The following ENPP2 variants were observed in gnomAD, a reference collection of about 807,000 sequenced individuals.
The protein encoded by ENPP2 is autotaxin.
In ENPP2, 51 loss-of-function variants were observed where a neutral mutation model predicts 120.2. The ratio of observed to expected loss-of-function variants is 0.42; its 90% CI spans 0.34 to 0.54. ENPP2 has a LOEUF of 0.54. Ranked by LOEUF, ENPP2 falls within the 20% of genes least tolerant of loss-of-function variation. The pLI, the probability that ENPP2 is intolerant of heterozygous loss-of-function variation, is 0.04. For synonymous variants in ENPP2, 365 were observed against 366.4 expected (o/e 1.00, Z 0.04); for missense variants, 920 against 1,066.5 (o/e 0.86, Z 1.91).
At position 119,586,180 on chromosome 8, in the gene ENPP2, A is replaced by T; in HGVS notation, c.1367+6T>A. On this transcript the variant is annotated splice_donor_region_variant and intron_variant, in intron 15 of 24. Transcript: ENST00000075322. ...GAGAAACAGAAATAGCCCATATACC[A>T]GTTACCTTGCAACATGCCATCTGCG... is the stretch of plus-strand genomic sequence containing the variant. The T allele has an allele frequency of 6.2e-7, 1 of 1,613,790 alleles. No homozygotes were observed. Among genetic ancestry groups the T allele is most frequent in the Non-Finnish European group, 8.5e-7 (1 of 1,179,856 alleles).
In ENPP2 at chr8:119,570,841, T is replaced by A; in HGVS notation, c.1781A>T (p.Glu594Val). 6.5e-7 allele frequency: 1 copy of A among 1,536,556 alleles called. No individual in the cohort carries two copies. The highest frequency in any genetic ancestry group is 2.4e-5 in the Admixed American group (1 of 42,328). Reference sequence around the variant, plus strand: ...AGGTCGCCCATAGAGGAGGTGTCTCTCTAAAAAAGAAAAAAAATAAACTGT... The same window carrying A: ...AGGTCGCCCATAGAGGAGGTGTCTCACTAAAAAAGAAAAAAAATAAACTGT... ...KRLHTKGSTEERHLLYGRPAV... is the reference protein window; with the variant it reads ...KRLHTKGSTEVRHLLYGRPAV... The change falls in exon 20 of 25, where the codon GAG becomes GTG. Residue 594 changes from glutamate (E) to valine (V), a missense_variant and splice_region_variant. Transcript: ENST00000075322.
chr8:119,642,035 A>T (rs1289372518), upstream of ENPP2, among the ~76,000 whole-genome samples: 1 of 152,214 alleles, frequency 6.6e-6, no homozygotes, highest in African/African-American at 2.4e-5. Flanking sequence ...CAGGCAACGC[A>T]TAATATAGAG....
At chr8:119,667,067 C>G (rs769516215) in intron 1 of ENPP2, among the ~76,000 whole-genome samples, 2 of 152,068 alleles carry the variant, frequency 1.3e-5, no homozygotes, top group Non-Finnish European at 2.9e-5. Flanking sequence ...AACTAAGACC[C>G]CTTCAAGCAT....
At chr8:119,670,471 G>T (rs1445457314) in intron 1 of ENPP2, among the ~76,000 whole-genome samples, 1 of 152,152 alleles carries the variant, frequency 6.6e-6, no homozygotes, top group Admixed American at 6.5e-5. Flanking sequence ...CATCCCACCT[G>T]GGTCTAAGCA....
At chr8:119,619,547 C>G (rs994666943) in intron 4 of ENPP2, among the ~76,000 whole-genome samples, 7 of 151,822 alleles carry the variant, frequency 4.6e-5, no homozygotes, top group Non-Finnish European at 8.8e-5. Flanking sequence ...CCTTCCGAGT[C>G]TAAATGGTTT....
intron 19 of ENPP2, among the ~76,000 whole-genome samples, chr8:119,579,523 C>T (rs886516981): frequency 6.6e-6 from 1 of 151,746 alleles, no homozygotes; most frequent in African/African-American, 2.4e-5. Context: ...AGCCAGCACA[C>T]TAAAATGGGA....
intron 1 of ENPP2, among the ~76,000 whole-genome samples, chr8:119,644,013 GAGC>G (rs1314775367): frequency 1.3e-5 from 2 of 152,028 alleles, no homozygotes; most frequent in African/African-American, 4.8e-5. Flanking sequence ...AGTGCAGGGA[GAGC>G]AGAAGTGAGT....
intron 7 of ENPP2, among the ~76,000 whole-genome samples, chr8:119,616,943 G>A (rs940937860): frequency 6.6e-6 from 1 of 152,138 alleles, no homozygotes; most frequent in African/African-American, 2.4e-5. Context: ...AAACAGAACT[G>A]CACCTGAAAA....
chr8:119,655,042 A>T (rs1817729057), intron 1 of ENPP2, among the ~76,000 whole-genome samples: 1 of 152,246 alleles, frequency 6.6e-6, no homozygotes, highest in South Asian at 2.1e-4. Context: ...TCCTGAAGGA[A>T]ACAGAGAGAG....
At chr8:119,650,969 T>C (rs1054175946) in intron 1 of ENPP2, among the ~76,000 whole-genome samples, 3 of 150,806 alleles carry the variant, frequency 2.0e-5, no homozygotes, top group Non-Finnish European at 4.4e-5. Context: ...GGAGAATACT[T>C]CTTTAAAAAA....
chr8:119,592,206 T>G (rs897285315), intron 12 of ENPP2, among the ~76,000 whole-genome samples: 32 of 152,070 alleles, frequency 2.1e-4, no homozygotes, highest in African/African-American at 7.5e-4. Context: ...ATACCATCTT[T>G]TAAGAGAGAG....
chr8:119,641,740 A>G (rs1468788747), upstream of ENPP2, among the ~76,000 whole-genome samples: 1 of 152,194 alleles, frequency 6.6e-6, no homozygotes, highest in Non-Finnish European at 1.5e-5. Flanking sequence ...TAGGTCTGGC[A>G]GGTGGGGAGA....
intron 20 of ENPP2, among the ~76,000 whole-genome samples, chr8:119,570,064 T>C (rs1814834029): frequency 6.6e-6 from 1 of 151,574 alleles, no homozygotes; most frequent in Admixed American, 6.6e-5. Flanking sequence ...AGGTCAGGAG[T>C]TCGAGACCAG....
intron 20 of ENPP2, 38 bp from the exon 21 acceptor site, chr8:119,569,408 T>A: frequency 6.2e-7 from 1 of 1,609,658 alleles, no homozygotes; most frequent in Non-Finnish European, 8.5e-7. Context: ...ATGCCGTGGC[T>A]CTGTTACGAA....
Position 119,564,930 on chromosome 8 carries a change from T to C in ENPP2, c.2157A>G (p.Val719=), listed in dbSNP as rs371175582. ...TTTCCGAAGCATATTTCTTCACCAA[T>C]ACCCTTTGGAAATAATTCCAGACCC... ...FKRVWNYFQR[V]LVKKYASERN... Residue 719 remains valine, a synonymous_variant, in exon 23 of 25, where the codon GTA becomes GTG. Transcript: ENST00000075322. 2.5e-6 allele frequency: 4 copies of C among 1,613,258 alleles called. No homozygotes were observed. Among genetic ancestry groups the C allele is most frequent in the Non-Finnish European group, 3.4e-6 (4 of 1,179,552 alleles).
intron 1 of ENPP2, among the ~76,000 whole-genome samples, chr8:119,666,415 C>T (rs774096537): frequency 6.6e-6 from 1 of 151,886 alleles, no homozygotes; most frequent in Non-Finnish European, 1.5e-5. Flanking sequence ...AGGGAAAGGG[C>T]TCAAAAAAGT....
At chr8:119,630,165 A>G (rs931686218) in intron 2 of ENPP2, among the ~76,000 whole-genome samples, 2 of 151,290 alleles carry the variant, frequency 1.3e-5, no homozygotes, top group African/African-American at 4.9e-5. Context: ...CTGGAGTGCA[A>G]TGGTGTGATC....
intron 19 of ENPP2, among the ~76,000 whole-genome samples, chr8:119,576,485 A>G (rs762024658): frequency 1.5e-4 from 23 of 152,216 alleles, no homozygotes; most frequent in Non-Finnish European, 3.1e-4. Flanking sequence ...CTCATTGTGT[A>G]TGATAAGGAG....
intron 11 of ENPP2, among the ~76,000 whole-genome samples, chr8:119,600,099 G>A (rs1430156978): frequency 1.3e-5 from 2 of 152,078 alleles, no homozygotes; most frequent in Non-Finnish European, 2.9e-5. Context: ...CTTTGGGGGG[G>A]TGATGACTAT....
Sources: gnomAD v4.1 joint callset for allele counts (sites outside exome capture counted in the v4.1 genomes callset) on GRCh38, gnomAD v4.1.1 for gene constraint, MANE v1.5 for transcripts, NCBI Gene and HGNC (gene_info 2026-07-23, HGNC 2026-07-21) for gene names.